SLC25A21: variants seen among roughly 807,000 people sequenced by gnomAD.
The protein encoded by SLC25A21 is solute carrier family 25 member 21.
In SLC25A21, 47 loss-of-function variants were observed where a neutral mutation model predicts 43.8. The ratio of observed to expected loss-of-function variants is 1.07; its 90% confidence interval spans 0.85 to 1.37. The LOEUF is 1.37. Ranked by LOEUF, SLC25A21 falls within the 40% of genes most tolerant of loss-of-function variation. The pLI, the probability that SLC25A21 is intolerant of heterozygous loss-of-function variation, is 0.00. For synonymous variants in SLC25A21, 131 were observed against 121.3 expected (o/e 1.08, Z -0.52); for missense variants, 352 against 350.2 (o/e 1.00, Z -0.04).
At chr14:37,014,841 T>C (rs1279361634) in intron 1 of SLC25A21, among the ~76,000 whole-genome samples, 1 of 152,086 alleles carries the variant, frequency 6.6e-6, no homozygotes, top group Non-Finnish European at 1.5e-5. Context: ...ATGAATCTCT[T>C]TATACACCTC....
At chr14:37,018,100 T>A (rs964495389) in intron 1 of SLC25A21, among the ~76,000 whole-genome samples, 9 of 151,954 alleles carry the variant, frequency 5.9e-5, no homozygotes, top group African/African-American at 2.2e-4. Flanking sequence ...TAAATCTGTA[T>A]CACAAATATG....
intron 1 of SLC25A21, among the ~76,000 whole-genome samples, chr14:37,102,438 C>CAA (rs201756864): frequency 8.1e-6 from 1 of 123,978 alleles, no homozygotes; most frequent in Non-Finnish European, 1.7e-5. Context: ...GACCTTGTCT[C>CAA]AAAAAAAAAA....
chr14:37,018,309 T>C (rs1960907777), intron 1 of SLC25A21, among the ~76,000 whole-genome samples: 1 of 152,058 alleles, frequency 6.6e-6, no homozygotes, highest in Non-Finnish European at 1.5e-5. Flanking sequence ...CACTGTTACC[T>C]ATCTTACAAA....
At chr14:37,142,757 C>T (rs1428349167) in intron 1 of SLC25A21, among the ~76,000 whole-genome samples, 1 of 152,144 alleles carries the variant, frequency 6.6e-6, no homozygotes, top group African/African-American at 2.4e-5. Context: ...TTAGAAATGT[C>T]CGTTTTTCTC....
chr14:36,942,830 T>C (rs1183173449), intron 1 of SLC25A21, among the ~76,000 whole-genome samples: 2 of 152,238 alleles, frequency 1.3e-5, no homozygotes, highest in Non-Finnish European at 2.9e-5. Flanking sequence ...GTACTTATAC[T>C]ACTTATACAC....
intron 3 of SLC25A21, among the ~76,000 whole-genome samples, chr14:36,752,076 G>A (rs529706637): frequency 7.2e-5 from 11 of 152,318 alleles, no homozygotes; most frequent in South Asian, 2.1e-4. Flanking sequence ...AAGAGTCTAC[G>A]TCCTGCTGGG....
chr14:37,028,332 A>T (rs1288413738), intron 1 of SLC25A21, among the ~76,000 whole-genome samples: 1 of 152,160 alleles, frequency 6.6e-6, no homozygotes, highest in Non-Finnish European at 1.5e-5. Context: ...AGTCAGTAAA[A>T]TTATTCATGT....
At chr14:36,840,205 C>T (rs554607040) in intron 2 of SLC25A21, among the ~76,000 whole-genome samples, 44 of 150,596 alleles carry the variant, frequency 2.9e-4, no homozygotes, top group Admixed American at 8.5e-4. Flanking sequence ...AGAATAAAAG[C>T]GAGGTTTTTT....
intron 2 of SLC25A21, among the ~76,000 whole-genome samples, chr14:36,873,388 C>A (rs556712912): frequency 2.0e-5 from 3 of 152,018 alleles, no homozygotes; most frequent in Non-Finnish European, 4.4e-5. Flanking sequence ...CTCTACCTCC[C>A]GGGTTCAAGT....
chr14:37,008,722 T>C (rs1465887476), intron 1 of SLC25A21, among the ~76,000 whole-genome samples: 1 of 152,138 alleles, frequency 6.6e-6, no homozygotes, highest in Non-Finnish European at 1.5e-5. Flanking sequence ...GGAGAGACGC[T>C]TTGATTAAAT....
chr14:36,939,848 A>C (rs1792787707), intron 1 of SLC25A21, among the ~76,000 whole-genome samples: 2 of 152,132 alleles, frequency 1.3e-5, no homozygotes, highest in African/African-American at 4.8e-5. Flanking sequence ...AATGGAAAAC[A>C]TGCACAATTT....
intron 1 of SLC25A21, among the ~76,000 whole-genome samples, chr14:36,898,316 C>T (rs1484774480): frequency 2.0e-5 from 3 of 152,172 alleles, no homozygotes; most frequent in South Asian, 2.1e-4. Flanking sequence ...GCTCTGTGGG[C>T]GTAGGACCCT....
chr14:36,860,016 G>C (rs1306465542), intron 2 of SLC25A21, among the ~76,000 whole-genome samples: 1 of 151,988 alleles, frequency 6.6e-6, no homozygotes, highest in African/African-American at 2.4e-5. Context: ...AATGAAGGAA[G>C]GCCCCTTGCC....
intron 2 of SLC25A21, among the ~76,000 whole-genome samples, chr14:36,841,137 T>C (rs1308578060): frequency 6.6e-6 from 1 of 152,224 alleles, no homozygotes; most frequent in African/African-American, 2.4e-5. Context: ...ATGCCCTTAG[T>C]TTGTCGATTA....
intron 1 of SLC25A21, among the ~76,000 whole-genome samples, chr14:37,028,149 C>T (rs73258212): frequency 0.042 from 6,393 of 151,502 alleles, 455 homozygotes; most frequent in African/African-American, 0.15. Context: ...TGTGTATAAA[C>T]AGCAAACAAT....
At chr14:36,738,197 G>A (rs868598215) in intron 3 of SLC25A21, among the ~76,000 whole-genome samples, 26 of 152,286 alleles carry the variant, frequency 1.7e-4, no homozygotes, top group African/African-American at 6.3e-4. Context: ...ATGTGGTTAA[G>A]GGCTCAAGCT....
chr14:36,939,062 A>ATGAAG lies in SLC25A21; in HGVS notation c.71-64063_71-64059dup, dbSNP rs1395556377. ...TAAATTATAAATCTGTTTGTAATTA[A>ATGAAG]TGAAGTCTTCTCAAACATGTCTCTG... On this transcript the variant is annotated intron_variant, in intron 1 of 9. Transcript: ENST00000331299. Among the ~76,000 whole-genome samples the ATGAAG allele has an allele frequency of 6.6e-5, 10 of 152,272 alleles. No individual in the cohort carries two copies. The East Asian group carries it at 1.5e-3, about 24-fold the overall frequency.
At chr14:37,069,969 A>G (rs1482406177) in intron 1 of SLC25A21, among the ~76,000 whole-genome samples, 1 of 152,170 alleles carries the variant, frequency 6.6e-6, no homozygotes, top group Non-Finnish European at 1.5e-5. Context: ...CACCCCACTG[A>G]TAACAAAGAT....
At position 36,711,331 on chromosome 14, in the gene SLC25A21, A is replaced by T; in HGVS notation, c.590T>A (p.Ile197Asn). 6.2e-7 allele frequency: 1 copy of T among 1,613,716 alleles called. No individual in the cohort carries two copies. Among genetic ancestry groups the T allele is most frequent in the Non-Finnish European group, 8.5e-7 (1 of 1,179,894 alleles). ...FGFYYNVKNMIPVNKDPILEF... is the reference protein window; with the variant it reads ...FGFYYNVKNMNPVNKDPILEF... Reference sequence around the variant, plus strand: ...TTAAATAGTTACCTTATTGACAGGAATCATGTTTTTGACATTGTAGTAGAA... The same window carrying T: ...TTAAATAGTTACCTTATTGACAGGATTCATGTTTTTGACATTGTAGTAGAA... The change falls in exon 7 of 10, where the codon ATT becomes AAT. Residue 197 changes from isoleucine to asparagine, a missense_variant. Coordinates refer to ENST00000331299, the MANE Select transcript of SLC25A21 (RefSeq NM_030631.4).
Sources: allele counts gnomAD v4.1 joint callset (sites outside exome capture counted in the v4.1 genomes callset), GRCh38; gene constraint gnomAD v4.1.1; transcripts MANE v1.5; gene names NCBI Gene and HGNC (gene_info 2026-07-23, HGNC 2026-07-21).